ANO5: variants seen among roughly 807,000 people sequenced by gnomAD.
ANO5 encodes the protein anoctamin 5, also known as anoctamin-5.
ANO5 carries 109 observed loss-of-function variants against 121.0 expected under a neutral mutation model. The ratio of observed to expected loss-of-function variants is 0.90; its 90% confidence interval spans 0.77 to 1.06. The LOEUF (loss-of-function observed/expected upper bound fraction) is 1.06. ANO5 is among the 50% of genes least tolerant of loss of function. ANO5 has a pLI of 0.00. For missense variants in ANO5, 1,064 were observed against 1,078.5 expected (o/e 0.99, Z 0.19); for synonymous variants, 406 against 359.9 (o/e 1.13, Z -1.45).
intron 1 of ANO5, among the ~76,000 whole-genome samples, chr11:22,202,203 A>C (rs1280072904): frequency 6.6e-6 from 1 of 150,992 alleles, no homozygotes; most frequent in East Asian, 1.9e-4. Context: ...GCTTTCTTAC[A>C]AACCAGTGTT....
chr11:22,193,569 G>T (rs754876830), intron 1 of ANO5, 37 bp downstream of exon 1: 1 of 1,604,934 alleles, frequency 6.2e-7, no homozygotes, highest in South Asian at 1.1e-5. Flanking sequence ...GGAGAGCCAG[G>T]CTGGCTGCCT....
At position 22,279,738 on chromosome 11, in the gene ANO5, A is replaced by G; in HGVS notation, c.2715A>G (p.Lys905=). ...FAKHVMIEEN[K]AQLAKSTL ...AGCATGTCATGATTGAGGAAAACAA[A>G]GCACAGCTGGCTAAATCAACACTCT... Residue 905 remains lysine, a synonymous_variant, in exon 22 of 22, where the codon AAA becomes AAG. Coordinates refer to ENST00000324559, the MANE Select transcript of ANO5 (RefSeq NM_213599.3). 1.2e-6 allele frequency: 2 copies of G among 1,612,750 alleles called. No individual in the cohort carries two copies. Among genetic ancestry groups the G allele is most frequent in the South Asian group, 1.1e-5 (1 of 91,050 alleles).
At chr11:22,203,420 A>G (rs1852021723) in intron 1 of ANO5, among the ~76,000 whole-genome samples, 1 of 152,102 alleles carries the variant, frequency 6.6e-6, no homozygotes, top group African/African-American at 2.4e-5. Context: ...TTTCAGGAAA[A>G]TAAGGTGAGA....
At chr11:22,269,575 AAAAGAAAGAAAGAG>A (rs1854532946) in intron 17 of ANO5, among the ~76,000 whole-genome samples, 2 of 147,204 alleles carry the variant, frequency 1.4e-5, no homozygotes, top group Non-Finnish European at 2.9e-5. Context: ...AGGAAAGAAA[AAAAGAAAGAAAGAG>A]AAAGAAAGAG....
chr11:22,260,436 C>T (rs549249845), intron 15 of ANO5, among the ~76,000 whole-genome samples: 7 of 152,244 alleles, frequency 4.6e-5, no homozygotes, highest in Non-Finnish European at 8.8e-5. Flanking sequence ...TGTACATAGA[C>T]ATCATGGCTG....
chr11:22,221,043 G>T, intron 4 of ANO5, 54 bp from the exon 5 acceptor site: 1 of 1,288,206 alleles, frequency 7.8e-7, no homozygotes, highest in Non-Finnish European at 1.1e-6. Flanking sequence ...TTGTGCTTTT[G>T]CCATTTCAGA....
intron 7 of ANO5, among the ~76,000 whole-genome samples, 187 bp from the exon 8 acceptor site, chr11:22,235,976 G>T (rs929940678): frequency 6.6e-6 from 1 of 152,102 alleles, no homozygotes. Flanking sequence ...AGACTCAGAA[G>T]CTAAAATATC....
intron 12 of ANO5, 79 bp downstream of exon 12, chr11:22,251,090 G>T: frequency 7.4e-7 from 1 of 1,347,414 alleles, no homozygotes; most frequent in South Asian, 1.2e-5. Flanking sequence ...TATGACAGAT[G>T]AAATATCTTA....
At chr11:22,276,530 TAAC>T (rs1427551730) in intron 21 of ANO5, among the ~76,000 whole-genome samples, 6 of 151,806 alleles carry the variant, frequency 4.0e-5, no homozygotes, top group Non-Finnish European at 8.9e-5. Context: ...TATTAAATCA[TAAC>T]AACATTGTTA....
intron 6 of ANO5, among the ~76,000 whole-genome samples, chr11:22,226,469 T>G (rs542591330): frequency 6.6e-6 from 1 of 152,280 alleles, no homozygotes; most frequent in East Asian, 1.9e-4. Context: ...TTTACTGTTT[T>G]TCTAGAATTT....
chr11:22,197,546 C>T (rs1267870626), intron 1 of ANO5, among the ~76,000 whole-genome samples: 1 of 152,026 alleles, frequency 6.6e-6, no homozygotes, highest in East Asian at 1.9e-4. Context: ...TGCATCTTTA[C>T]GGCTATGTTA....
At chr11:22,260,600 T>C (rs1171416386) in intron 15 of ANO5, among the ~76,000 whole-genome samples, 1 of 152,244 alleles carries the variant, frequency 6.6e-6, no homozygotes, top group Non-Finnish European at 1.5e-5. Context: ...AAATTGCTTT[T>C]AAAAGCACCT....
chr11:22,221,282 T>G (rs1213987475), intron 5 of ANO5, 72 bp downstream of exon 5: 1 of 1,266,088 alleles, frequency 7.9e-7, no homozygotes, highest in Non-Finnish European at 1.1e-6. Flanking sequence ...GATATCTGGA[T>G]TGAATTATGT....
At chr11:22,228,995 CAGTA>C in intron 7 of ANO5, among the ~76,000 whole-genome samples, 1 of 152,006 alleles carries the variant, frequency 6.6e-6, no homozygotes, top group Non-Finnish European at 1.5e-5. Flanking sequence ...GGCATATACC[CAGTA>C]ATGGGATTGC....
intron 5 of ANO5, among the ~76,000 whole-genome samples, chr11:22,223,477 C>T (rs1852725207): frequency 6.6e-6 from 1 of 151,996 alleles, no homozygotes; most frequent in South Asian, 2.1e-4. Context: ...TTCTGCCTAG[C>T]ACATACCAAA....
rs926681586 is a variant in ANO5 at position 22,282,063 on chromosome 11, A to C, written c.*2298A>C. On this transcript the variant is annotated 3_prime_UTR_variant, in exon 22 of 22. Coordinates refer to ENST00000324559, the MANE Select transcript of ANO5 (RefSeq NM_213599.3). ...AAACCAATTCAGATAGATGTGTCTC[A>C]TCTAATTAAACCCATTGGTTTTTAT... 4 of 152,252 alleles carry C rather than the reference A, an allele frequency of 2.6e-5. No individual in the cohort carries two copies. Among genetic ancestry groups the C allele is most frequent in the African/African-American group, 9.6e-5 (4 of 41,580 alleles). 9.4% of individuals were successfully genotyped at this position (152,252 alleles called of 1,614,324 possible).
At chr11:22,241,016 T>C (rs149927832) in intron 9 of ANO5, among the ~76,000 whole-genome samples, 82 of 151,994 alleles carry the variant, frequency 5.4e-4, no homozygotes, top group African/African-American at 2.0e-3. Flanking sequence ...GCTGTCCCAA[T>C]TTTTTTATAT....
intron 4 of ANO5, among the ~76,000 whole-genome samples, chr11:22,218,774 G>A (rs1018078119): frequency 6.6e-6 from 1 of 151,898 alleles, no homozygotes; most frequent in South Asian, 2.1e-4. Context: ...TGTTGTCCAG[G>A]CTGGTCTTGA....
intron 1 of ANO5, among the ~76,000 whole-genome samples, chr11:22,198,769 C>T (rs888789384): frequency 6.6e-6 from 1 of 152,074 alleles, no homozygotes; most frequent in Non-Finnish European, 1.5e-5. Context: ...AAAAAAAAGC[C>T]TCTCTAAGTC....
Sources: allele counts gnomAD v4.1 joint callset (sites outside exome capture counted in the v4.1 genomes callset), GRCh38; gene constraint gnomAD v4.1.1; transcripts MANE v1.5; gene names NCBI Gene and HGNC (gene_info 2026-07-23, HGNC 2026-07-21).